The following FAT4 variants were observed in gnomAD, a reference collection of about 807,000 sequenced individuals.
FAT4 encodes FAT atypical cadherin 4, also known as protocadherin Fat 4.
FAT4 carries 84 observed loss-of-function variants against 303.9 expected under a neutral mutation model. The observed-to-expected ratio is 0.28, with a 90% CI of 0.23 to 0.33. The LOEUF is 0.33. Among genes scored for constraint, FAT4 ranks in the 10% least tolerant of loss-of-function variants. The pLI is 1.00. For synonymous variants in FAT4, 2,307 were observed against 2,298.8 expected (o/e 1.00, Z -0.10); for missense variants, 6,005 against 6,146.8 (o/e 0.98, Z 0.77).
chr4:125,463,056 T>C (rs771823726), intron 10 of FAT4, among the ~76,000 whole-genome samples: 3 of 152,090 alleles, frequency 2.0e-5, no homozygotes, highest in Non-Finnish European at 4.4e-5. Context: ...TGATGTGTTT[T>C]CTTATTTCTT....
chr4:125,385,425 T>A (rs1358547552), intron 2 of FAT4, among the ~76,000 whole-genome samples: 2 of 152,200 alleles, frequency 1.3e-5, no homozygotes, highest in African/African-American at 4.8e-5. Context: ...ATGATAATAT[T>A]AAGTAGTTAA....
At chr4:125,391,192 C>A (rs576497798) in intron 2 of FAT4, among the ~76,000 whole-genome samples, 1 of 152,238 alleles carries the variant, frequency 6.6e-6, no homozygotes, top group African/African-American at 2.4e-5. Context: ...GAATATAAAT[C>A]ATTCTGCTAT....
intron 2 of FAT4, among the ~76,000 whole-genome samples, chr4:125,328,432 G>C (rs559086557): frequency 4.7e-4 from 72 of 152,214 alleles, no homozygotes; most frequent in Non-Finnish European, 9.4e-4. Flanking sequence ...AGTGATTATA[G>C]GACCACAATC....
At chr4:125,416,738 G>A in intron 7 of FAT4, 116 bp downstream of exon 7, 2 of 986,024 alleles carry the variant, frequency 2.0e-6, no homozygotes, top group Non-Finnish European at 3.0e-6. Flanking sequence ...TTGAGGTCGG[G>A]AGTTCAAGAC....
chr4:125,478,591 G>A (rs1310069506), intron 14 of FAT4, among the ~76,000 whole-genome samples: 2 of 152,068 alleles, frequency 1.3e-5, no homozygotes, highest in African/African-American at 4.8e-5. Context: ...GAGTGCAATG[G>A]CGGGATCTCG....
At chr4:125,367,026 A>G (rs998616363) in intron 2 of FAT4, among the ~76,000 whole-genome samples, 1 of 151,938 alleles carries the variant, frequency 6.6e-6, no homozygotes. Context: ...ATAGTTTGCA[A>G]ATTTTTTTTG....
rs1299908178 is a variant in FAT4, at chr4:125,476,219, T to C, written c.12262T>C (p.Tyr4088His). 1 of 1,601,736 alleles carries C rather than the reference T, an allele frequency of 6.2e-7. No individual in the cohort carries two copies. The highest frequency in any genetic ancestry group is 1.3e-5 in the African/African-American group (1 of 74,824). Reference protein sequence around the residue: ...DSCSENQEPGYCTVSNVAVSD... With the variant: ...DSCSENQEPGHCTVSNVAVSD... The stretch of plus-strand genomic sequence containing the variant: ...CTGTTCTGAGAACCAAGAGCCAGGA[T>C]ATTGTACTGTCAGTAATGTGGCAGT... The change falls in exon 13 of 18, where the codon TAT becomes CAT. Residue 4088 changes from tyrosine to histidine, a missense_variant. By Grantham distance (83) the Tyr-to-His change is moderately conservative. Coordinates refer to ENST00000394329, the MANE Select transcript of FAT4 (RefSeq NM_001291303.3).
At chr4:125,417,093 C>T (rs1384197187) in intron 7 of FAT4, among the ~76,000 whole-genome samples, 1 of 152,124 alleles carries the variant, frequency 6.6e-6, no homozygotes, top group African/African-American at 2.4e-5. Context: ...ACATCATTCA[C>T]TTTATGACAT....
At position 125,371,102 on chromosome 4, in the gene FAT4, C is replaced by T. The variant is rs537437815; in HGVS notation, c.5176-27682C>T. Among the ~76,000 whole-genome samples, 26 of 146,832 alleles carry T rather than the reference C, an allele frequency of 1.8e-4. No homozygotes were observed. In the East Asian group the frequency reaches 3.2e-3, roughly 18 times the overall value. On this transcript the variant is annotated intron_variant, in intron 2 of 17. Coordinates refer to ENST00000394329, the MANE Select transcript of FAT4 (RefSeq NM_001291303.3). Reference sequence around the variant, plus strand: ...GGCAGAGGTTGCAGTGAGCTGAGATCGCGCCATTGCACTTCAGCCTGGGCA... The same window carrying T: ...GGCAGAGGTTGCAGTGAGCTGAGATTGCGCCATTGCACTTCAGCCTGGGCA...
chr4:125,372,585 G>T (rs890360415), intron 2 of FAT4, among the ~76,000 whole-genome samples: 1 of 151,964 alleles, frequency 6.6e-6, no homozygotes, highest in Non-Finnish European at 1.5e-5. Context: ...TGGTGAATGG[G>T]GAAGCTGGCT....
intron 2 of FAT4, among the ~76,000 whole-genome samples, chr4:125,326,019 G>A (rs924129728): frequency 2.6e-5 from 4 of 152,058 alleles, no homozygotes; most frequent in Admixed American, 1.3e-4. Flanking sequence ...ACTCCACAGT[G>A]AGAGAACCAT....
chr4:125,315,132 G>A lies in FAT4; in HGVS notation c.-858G>A, dbSNP rs1421470696. On this transcript the variant is annotated 5_prime_UTR_variant, in exon 1 of 18. Coordinates refer to ENST00000394329, the MANE Select transcript of FAT4 (RefSeq NM_001291303.3). ...GGGGAAGGGGCGGGGAGAGTGTGAG[G>A]GACCAGGCGGGAGGTGGAGAAGGGC... 6.6e-6 allele frequency among the ~76,000 whole-genome samples: 1 copy of A among 151,926 alleles called. No homozygotes were observed. The highest frequency in any genetic ancestry group is 6.5e-5 in the Admixed American group (1 of 15,270).
chr4:125,485,159 A>G (rs1487378597), intron 16 of FAT4, among the ~76,000 whole-genome samples: 3 of 152,266 alleles, frequency 2.0e-5, no homozygotes, highest in Middle Eastern at 3.4e-3. Flanking sequence ...GGCCTAAGAC[A>G]TTATTATACA....
rs183736543 is a variant in FAT4 at position 125,364,568 on chromosome 4, A to G, written c.5176-34216A>G. Among the ~76,000 whole-genome samples, 16 of 152,268 alleles carry G rather than the reference A, an allele frequency of 1.1e-4. No individual in the cohort carries two copies. The East Asian group carries it at 2.9e-3, about 28-fold the overall frequency. On this transcript the variant is annotated intron_variant, in intron 2 of 17. Coordinates refer to ENST00000394329, the MANE Select transcript of FAT4 (RefSeq NM_001291303.3). ...CTAAAGGAGTCTCGGTGGAAGTGAT[A>G]TTTAAACTGCGATACGAAGGATCGC...
intron 2 of FAT4, 134 bp from the exon 3 acceptor site, chr4:125,398,650 T>G: frequency 1.3e-6 from 1 of 793,252 alleles, no homozygotes; most frequent in Non-Finnish European, 2.0e-6. Context: ...GTAGTTTCTG[T>G]TGTTTGGATG....
Position 125,450,347 on chromosome 4 carries a change from G to A in FAT4, c.9337G>A (p.Val3113Ile), listed in dbSNP as rs1449806708. Residue 3113 changes from valine (V) to isoleucine (I), a missense_variant, in exon 10 of 18, where the codon GTT becomes ATT. Val to Ile is a conservative substitution (Grantham distance 29, BLOSUM62 3). Coordinates refer to ENST00000394329, the MANE Select transcript of FAT4 (RefSeq NM_001291303.3). ...SHSIGSIVRT[V>I]SARDRDAAMN... ...TAGCATTGGGTCCATTGTCAGAACT[G>A]TTTCTGCAAGAGATAGAGATGCAGC... 1 of 1,614,122 alleles carries A rather than the reference G, an allele frequency of 6.2e-7. No homozygotes were observed. Among genetic ancestry groups the A allele is most frequent in the South Asian group, 1.1e-5 (1 of 91,080 alleles).
chr4:125,473,613 C>A (rs1435118626), intron 12 of FAT4, among the ~76,000 whole-genome samples: 1 of 151,900 alleles, frequency 6.6e-6, no homozygotes, highest in Non-Finnish European at 1.5e-5. Context: ...TAGACATCAC[C>A]TCACCCCCAT....
At chr4:125,458,536 A>G (rs775691949) in intron 10 of FAT4, among the ~76,000 whole-genome samples, 7 of 151,992 alleles carry the variant, frequency 4.6e-5, no homozygotes, top group Non-Finnish European at 8.8e-5. Flanking sequence ...GTAAGAGACA[A>G]TAAAGAGTGC....
chr4:125,449,234 G>C lies in FAT4; in HGVS notation c.8224G>C (p.Val2742Leu). ...PLDREKVSHY[V>L]LTIKSSDKGS... ...GGACAGGGAAAAAGTATCTCATTATGTCCTAACCATAAAATCATCAGACAA... is the reference window on the plus strand; with the variant it reads ...GGACAGGGAAAAAGTATCTCATTATCTCCTAACCATAAAATCATCAGACAA... The change falls in exon 10 of 18, where the codon GTC (valine) becomes CTC (leucine). Residue 2742 changes from valine to leucine, a missense_variant. By Grantham distance (32) the Val-to-Leu change is conservative (BLOSUM62 1). Transcript: ENST00000394329. The C allele has an allele frequency of 1.2e-6, 2 of 1,613,926 alleles. No homozygotes were observed. The highest frequency in any genetic ancestry group is 1.7e-4 in the Middle Eastern group (1 of 6,060).
Sources: allele counts gnomAD v4.1 joint callset (sites outside exome capture counted in the v4.1 genomes callset), GRCh38; gene constraint gnomAD v4.1.1; transcripts MANE v1.5; gene names NCBI Gene and HGNC (gene_info 2026-07-23, HGNC 2026-07-21).